The following CD47 variants were observed in gnomAD, a reference collection of about 807,000 sequenced individuals.
CD47 encodes leukocyte surface antigen CD47.
CD47 carries 11 observed loss-of-function variants against 44.6 expected under a neutral mutation model. That is an observed-to-expected ratio of 0.25 (90% CI 0.16 to 0.41). The LOEUF is 0.41. Among genes scored for constraint, CD47 ranks in the 10% least tolerant of loss-of-function variants. The pLI is 1.00. For synonymous variants in CD47, 140 were observed against 136.3 expected, an observed-to-expected ratio of 1.03 and a Z score of -0.19; for missense variants, 306 against 386.7, an observed-to-expected ratio of 0.79 and a Z score of 1.75.
At chr3:108,062,583 T>TATAATTTC (rs1286343264) in intron 3 of CD47, among the ~76,000 whole-genome samples, 1 of 151,894 alleles carries the variant, frequency 6.6e-6, no homozygotes, top group Non-Finnish European at 1.5e-5. Flanking sequence ...TAGAGTACAG[T>TATAATTTC]ATAATTTCAT....
At chr3:108,055,503 G>C (rs1321538285) in intron 7 of CD47, 1 of 1,284,746 alleles carries the variant, frequency 7.8e-7, no homozygotes, top group Non-Finnish European at 1.0e-6. Context: ...GTTATCTAAA[G>C]AGCAACTTTC....
chr3:108,062,642 CTTTTTTTTTTTT>C (rs774152967), intron 3 of CD47, among the ~76,000 whole-genome samples: 2 of 138,112 alleles, frequency 1.4e-5, no homozygotes, highest in Non-Finnish European at 3.2e-5. Context: ...TTTTTCTTTT[CTTTTTTTTTTTT>C]TTTGGAGACA....
In CD47 at chr3:108,043,115, TA is replaced by T. The variant is rs1212266752; in HGVS notation, c.*4172del. 1.3e-5 allele frequency: 2 copies of T among 152,510 alleles called. No homozygotes were observed. Among genetic ancestry groups the T allele is most frequent in the African/African-American group, 4.8e-5 (2 of 41,456 alleles). 9.4% of individuals were successfully genotyped at this position (152,510 alleles called of 1,614,324 possible). ...ATTGGACTGATTTAAAACTTTTAATTAAAACTCTGCTCTAATTAAAAGCTTA... is the reference window on the plus strand; with the variant it reads ...ATTGGACTGATTTAAAACTTTTAATTAAACTCTGCTCTAATTAAAAGCTTA... On this transcript the variant is annotated 3_prime_UTR_variant, in exon 11 of 11. Coordinates refer to ENST00000361309, the MANE Select transcript of CD47 (RefSeq NM_001777.4).
chr3:108,043,833 C>T lies in CD47; in HGVS notation c.*3455G>A, dbSNP rs534370329. 22 of 152,658 alleles carry T rather than the reference C, an allele frequency of 1.4e-4. No individual in the cohort carries two copies. The East Asian group carries it at 1.5e-3, about 11-fold the overall frequency. The allele number at this position is 152,658 out of a possible 1,614,324, so 9.5% of individuals were successfully genotyped here. ...GGTCTTCAATGATCTTAATTAAGAA[C>T]TGTCAAAGCTAAAGGCAGAAAAACT... On this transcript the variant is annotated 3_prime_UTR_variant, in exon 11 of 11. Coordinates refer to ENST00000361309, the MANE Select transcript of CD47 (RefSeq NM_001777.4).
intron 7 of CD47, chr3:108,053,040 A>T (rs1277254568): frequency 5.3e-5 from 8 of 152,376 alleles, no homozygotes; most frequent in Non-Finnish European, 1.2e-4. Context: ...CGTTGAACAG[A>T]AACATGCCAT....
intron 1 of CD47, among the ~76,000 whole-genome samples, chr3:108,090,156 C>T (rs2079602870): frequency 6.6e-6 from 1 of 152,096 alleles, no homozygotes; most frequent in South Asian, 2.1e-4. Context: ...AAAACTTCAA[C>T]GTACAATTTA....
chr3:108,090,632 C>T (rs1238382141), intron 1 of CD47, among the ~76,000 whole-genome samples: 2 of 152,152 alleles, frequency 1.3e-5, no homozygotes, highest in Non-Finnish European at 2.9e-5. Context: ...AGATGAGCCC[C>T]GCTCTCACCC....
Position 108,080,072 on chromosome 3 carries a change from A to C in CD47, c.319T>G (p.Ser107Ala). 1 of 1,613,098 alleles carries C rather than the reference A, an allele frequency of 6.2e-7. No homozygotes were observed. The highest frequency in any genetic ancestry group is 8.5e-7 in the Non-Finnish European group (1 of 1,179,252). Residue 107 changes from serine (S) to alanine (A), a missense_variant, in exon 2 of 11, where the codon TCA (serine) becomes GCA (alanine). Ser to Ala is a moderately conservative substitution (Grantham distance 99). This residue lies in a region of CD47 where 47 missense variants were observed against 36.2 expected (regional missense o/e 1.30). Transcript: ENST00000361309. ...TCACAAGTGTAGTTTCCTGTGTGTG[A>C]GACAGCATCACTCTTATCCATCTTC... is the stretch of plus-strand genomic sequence containing the variant. ...SLKMDKSDAV[S>A]HTGNYTCEVT...
At chr3:108,072,208 G>A (rs2079216119) in intron 2 of CD47, among the ~76,000 whole-genome samples, 1 of 152,156 alleles carries the variant, frequency 6.6e-6, no homozygotes, top group Non-Finnish European at 1.5e-5. Context: ...TGTACAAGGG[G>A]CTGTGTGATT....
chr3:108,082,276 A>G (rs957485284), intron 1 of CD47, among the ~76,000 whole-genome samples: 3 of 151,972 alleles, frequency 2.0e-5, no homozygotes, highest in African/African-American at 4.8e-5. Context: ...TTACAGTTTC[A>G]TAAGTTGTAG....
intron 3 of CD47, among the ~76,000 whole-genome samples, chr3:108,065,514 C>T (rs2108244111): frequency 6.6e-6 from 1 of 152,122 alleles, no homozygotes; most frequent in South Asian, 2.1e-4. Context: ...GATTATTGAA[C>T]AGAATTCACT....
In CD47 at chr3:108,060,796, C is replaced by T; in HGVS notation, c.547G>A (p.Gly183Arg). 1 of 1,613,666 alleles carries T rather than the reference C, an allele frequency of 6.2e-7. No homozygotes were observed. The highest frequency in any genetic ancestry group is 8.5e-7 in the Non-Finnish European group (1 of 1,179,716). ...DEKTIALLVA[G>R]LVITVIVIVG... The stretch of plus-strand genomic sequence containing the variant: ...ATGACAATGACAGTGATCACTAGTC[C>T]AGCAACAAGTAAAGCAATTGTTTTC... The change falls in exon 4 of 11, where the codon GGA becomes AGA. Residue 183 changes from glycine to arginine, a missense_variant. Physicochemically the swap from Gly to Arg is moderately radical, Grantham distance 125. This residue lies in a region of CD47 where 65 missense variants were observed against 119.9 expected (regional missense o/e 0.54). Transcript: ENST00000361309.
intron 3 of CD47, among the ~76,000 whole-genome samples, chr3:108,065,511 G>A (rs907208558): frequency 6.6e-6 from 1 of 152,044 alleles, no homozygotes; most frequent in Non-Finnish European, 1.5e-5. Flanking sequence ...CAAGATTATT[G>A]AACAGAATTC....
intron 2 of CD47, among the ~76,000 whole-genome samples, chr3:108,073,676 T>C (rs1217098412): frequency 2.0e-5 from 3 of 151,826 alleles, no homozygotes; most frequent in East Asian, 1.9e-4. Context: ...GTTGGGAGAG[T>C]TTGGATTTTA....
At chr3:108,087,424 A>G (rs1020562343) in intron 1 of CD47, among the ~76,000 whole-genome samples, 3 of 152,226 alleles carry the variant, frequency 2.0e-5, no homozygotes, top group East Asian at 1.9e-4. Flanking sequence ...TTTAAAGTCA[A>G]TAACATCCAG....
At chr3:108,063,716 C>T (rs983001009) in intron 3 of CD47, among the ~76,000 whole-genome samples, 3 of 152,156 alleles carry the variant, frequency 2.0e-5, no homozygotes, top group African/African-American at 7.2e-5. Context: ...TAACAGCAGG[C>T]TCTTATCAAA....
intron 3 of CD47, among the ~76,000 whole-genome samples, chr3:108,068,277 C>T (rs1312643642): frequency 6.6e-6 from 1 of 152,242 alleles, no homozygotes; most frequent in East Asian, 1.9e-4. Context: ...ATGACTATCT[C>T]AAAGATGTGA....
intron 1 of CD47, among the ~76,000 whole-genome samples, chr3:108,081,289 T>C (rs1457390350): frequency 2.6e-5 from 4 of 152,016 alleles, no homozygotes; most frequent in Non-Finnish European, 5.9e-5. Context: ...GTAGGAATTG[T>C]AGTTGTCTTC....
chr3:108,070,879 G>A (rs2079187919), intron 3 of CD47, among the ~76,000 whole-genome samples: 1 of 152,032 alleles, frequency 6.6e-6, no homozygotes, highest in South Asian at 2.1e-4. Context: ...AAAACACCAA[G>A]TGAAAACAAC....
Sources: gnomAD v4.1 joint callset for allele counts (sites outside exome capture counted in the v4.1 genomes callset) on GRCh38, gnomAD v4.1.1 for gene constraint, gnomAD v4.1.1 regional missense constraint, MANE v1.5 for transcripts, NCBI Gene and HGNC (gene_info 2026-07-23, HGNC 2026-07-21) for gene names.